Variants in USP31 observed in about 807,000 individuals in gnomAD.
USP31 encodes the protein ubiquitin specific peptidase 31, also known as ubiquitin carboxyl-terminal hydrolase 31.
USP31 carries 44 observed loss-of-function variants against 119.4 expected under a neutral mutation model. That is an observed-to-expected ratio of 0.37 (90% CI 0.29 to 0.47). The LOEUF (loss-of-function observed/expected upper bound fraction) is 0.47. Among genes scored for constraint, USP31 ranks in the 20% least tolerant of loss-of-function variants. USP31 has a pLI of 0.99. For missense variants in USP31, 1,643 were observed against 1,730.2 expected (o/e 0.95, Z 0.89); for synonymous variants, 749 against 705.6 (o/e 1.06, Z -0.97).
chr16:23,086,415 ATAT>A (rs1013648786), intron 9 of USP31, among the ~76,000 whole-genome samples: 2 of 151,290 alleles, frequency 1.3e-5, no homozygotes, highest in Non-Finnish European at 3.0e-5. Context: ...GTATATATGT[ATAT>A]TATTTTATTA....
rs1006556275 is a variant in USP31 at position 23,148,578 on chromosome 16, G to C, written c.633+60C>G. ...GAGGAACCGAGGGAAGGAAGACCTG[G>C]GCGGGCAGGTGCCCCAGGGGCTCGG... On this transcript the variant is annotated intron_variant, in intron 1 of 15. Transcript: ENST00000219689. 1.1e-5 allele frequency: 15 copies of C among 1,405,960 alleles called. No individual in the cohort carries two copies. In the Admixed American group the frequency reaches 4.9e-4, roughly 45 times the overall value. 87.1% of individuals were successfully genotyped at this position (1,405,960 alleles called of 1,614,324 possible). A position where few individuals can be genotyped will look rare whatever the true frequency, so the allele number is the denominator to read the frequency against.
chr16:23,136,166 G>C (rs1426306902), intron 1 of USP31, among the ~76,000 whole-genome samples: 1 of 152,124 alleles, frequency 6.6e-6, no homozygotes, highest in Non-Finnish European at 1.5e-5. Context: ...AAAGAATAAA[G>C]TTGGACCCTT....
chr16:23,139,383 C>T (rs1193135406), intron 1 of USP31, among the ~76,000 whole-genome samples: 3 of 152,204 alleles, frequency 2.0e-5, no homozygotes, highest in Admixed American at 6.5e-5. Flanking sequence ...TGCACTGCAG[C>T]CTGGGCAACA....
At chr16:23,098,493 C>G (rs1292704644) in intron 6 of USP31, among the ~76,000 whole-genome samples, 3 of 151,892 alleles carry the variant, frequency 2.0e-5, no homozygotes, top group African/African-American at 7.3e-5. Context: ...CATATGGAAC[C>G]AAAAAAGCCC....
Position 23,149,024 on chromosome 16 carries a change from C to G in USP31, c.247G>C (p.Ala83Pro). 2 of 1,169,116 alleles carry G rather than the reference C, an allele frequency of 1.7e-6. No homozygotes were observed. Among genetic ancestry groups the G allele is most frequent in the Non-Finnish European group, 2.2e-6 (2 of 928,306 alleles). The allele number at this position is 1,169,116 out of a possible 1,614,324, so 72.4% of individuals were successfully genotyped here. The change falls in exon 1 of 16, where the codon GCC (alanine) becomes CCC (proline). Residue 83 changes from alanine (A) to proline (P), a missense_variant. By Grantham distance (27) the Ala-to-Pro change is conservative. This residue lies in a region of USP31 where 302 missense variants were observed against 262.6 expected (regional missense o/e 1.15). Transcript: ENST00000219689. ...STLSHLSSEG[A>P]APDRGGLRSC... ...CGGAGGCCGCCGCGGTCTGGGGCGG[C>G]GCCCTCAGAGCTAAGGTGCGAGAGC...
intron 6 of USP31, among the ~76,000 whole-genome samples, chr16:23,094,366 C>G (rs532793836): frequency 6.6e-6 from 1 of 152,354 alleles, no homozygotes; most frequent in East Asian, 1.9e-4. Flanking sequence ...GGCAGAGCCC[C>G]TCACAGCTCA....
rs1477656875 is a variant in USP31 at position 23,148,972 on chromosome 16, G to C, written c.299C>G (p.Ala100Gly). 3.9e-6 allele frequency: 4 copies of C among 1,017,544 alleles called. No individual in the cohort carries two copies. The African/African-American group carries it at 7.0e-5, about 18-fold the overall frequency. The allele number at this position is 1,017,544 out of a possible 1,614,324, so 63.0% of individuals were successfully genotyped here. A position where few individuals can be genotyped will look rare whatever the true frequency, so the allele number is the denominator to read the frequency against. Residue 100 changes from alanine to glycine, a missense_variant, in exon 1 of 16, where the codon GCC (alanine) becomes GGC (glycine). Ala to Gly is a moderately conservative substitution (Grantham distance 60, BLOSUM62 0). Around this residue, in one of 5 missense-constraint regions of USP31, gnomAD observed 302 missense variants for 262.6 expected, o/e 1.15. Transcript: ENST00000219689. ...LRSCFPPGPA[A>G]APTPPPCPPP... is the part of the protein sequence containing the mutation. The stretch of plus-strand genomic sequence containing the variant: ...CGGGCACGGCGGCGGCGTGGGCGCG[G>C]CGGCCGGCCCGGGCGGGAAGCAGCT...
At chr16:23,125,926 C>T (rs1015698829) in intron 1 of USP31, among the ~76,000 whole-genome samples, 8 of 152,130 alleles carry the variant, frequency 5.3e-5, no homozygotes, top group African/African-American at 1.9e-4. Context: ...CCCATCATTG[C>T]TCAAAGTAAA....
At chr16:23,125,013 C>T (rs1421632313) in intron 1 of USP31, among the ~76,000 whole-genome samples, 1 of 152,226 alleles carries the variant, frequency 6.6e-6, no homozygotes, top group East Asian at 1.9e-4. Context: ...CTCATCAGCA[C>T]TTAACTATGG....
intron 13 of USP31, among the ~76,000 whole-genome samples, chr16:23,074,905 G>A (rs571726045): frequency 6.6e-6 from 1 of 152,272 alleles, no homozygotes; most frequent in South Asian, 2.1e-4. Flanking sequence ...TTTATTTGGG[G>A]TGAGAATAAA....
At position 23,068,833 on chromosome 16, in the gene USP31, G is replaced by T; in HGVS notation, c.3272C>A (p.Ala1091Asp). Residue 1091 changes from alanine (A) to aspartate (D), a missense_variant, in exon 16 of 16, where the codon GCC becomes GAC. Around this residue, in one of 5 missense-constraint regions of USP31, gnomAD observed 699 missense variants for 650.9 expected, o/e 1.07. Transcript: ENST00000219689. ...TGACTCCTTTTTGGGTTGGGCAGGG[G>T]CAGGGGATGAATGCCGTCCACTGCC... ...SRGSGRHSSP[A>D]PAQPKKESSP... 1 of 1,562,490 alleles carries T rather than the reference G, an allele frequency of 6.4e-7. No homozygotes were observed. The highest frequency in any genetic ancestry group is 8.6e-7 in the Non-Finnish European group (1 of 1,156,788).
chr16:23,088,203 G>A (rs1901198117), intron 7 of USP31, among the ~76,000 whole-genome samples: 1 of 152,096 alleles, frequency 6.6e-6, no homozygotes, highest in Non-Finnish European at 1.5e-5. Context: ...AGATAGGGCT[G>A]GAAGGTCTCA....
intron 5 of USP31, among the ~76,000 whole-genome samples, chr16:23,104,010 T>C (rs563569910): frequency 1.8e-4 from 27 of 152,320 alleles, no homozygotes; most frequent in African/African-American, 6.5e-4. Flanking sequence ...GACTTCATTA[T>C]ATGCTCAGCC....
chr16:23,075,352 C>G (rs1306707635), intron 13 of USP31, among the ~76,000 whole-genome samples: 1 of 152,124 alleles, frequency 6.6e-6, no homozygotes, highest in Non-Finnish European at 1.5e-5. Context: ...GACAGAACAG[C>G]CTTGCCTCCT....
At chr16:23,079,416 A>G (rs1170167429) in intron 13 of USP31, 2 of 152,266 alleles carry the variant, frequency 1.3e-5, no homozygotes, top group Non-Finnish European at 2.9e-5. Flanking sequence ...ACACTATAAA[A>G]GTGTCATGCA....
intron 6 of USP31, among the ~76,000 whole-genome samples, chr16:23,096,498 G>T (rs1186183684): frequency 1.3e-5 from 2 of 152,064 alleles, no homozygotes; most frequent in African/African-American, 2.4e-5. Flanking sequence ...AGACCTAATA[G>T]ACATCTACAG....
chr16:23,105,669 A>C, intron 4 of USP31, 93 bp from the exon 5 acceptor site: 1 of 1,322,662 alleles, frequency 7.6e-7, no homozygotes, highest in Non-Finnish European at 9.8e-7. Context: ...ATCAACAAAA[A>C]ACTAAAGCTA....
chr16:23,114,972 C>T (rs1386030212), intron 1 of USP31, among the ~76,000 whole-genome samples: 2 of 152,066 alleles, frequency 1.3e-5, no homozygotes, highest in East Asian at 3.9e-4. Flanking sequence ...GTATGTATCA[C>T]AGAAAAAAGA....
intron 14 of USP31, among the ~76,000 whole-genome samples, chr16:23,072,899 T>C (rs531023584): frequency 1.3e-5 from 2 of 152,092 alleles, no homozygotes; most frequent in South Asian, 2.1e-4. Flanking sequence ...CTGGGTGGGC[T>C]TGGCCCCCAG....
Sources: gnomAD v4.1 joint callset for allele counts (sites outside exome capture counted in the v4.1 genomes callset) on GRCh38, gnomAD v4.1.1 for gene constraint, gnomAD v4.1.1 regional missense constraint, MANE v1.5 for transcripts, NCBI Gene and HGNC (gene_info 2026-07-23, HGNC 2026-07-21) for gene names.